Variants in EXOC4 observed in about 807,000 individuals in gnomAD.
EXOC4 encodes SEC8-like 1.
EXOC4 carries 71 observed loss-of-function variants against 107.2 expected under a neutral mutation model. The observed-to-expected ratio is 0.66, with a 90% confidence interval of 0.55 to 0.81. EXOC4 has a LOEUF of 0.81. Ranked by LOEUF, EXOC4 falls within the 30% of genes least tolerant of loss-of-function variation. The pLI, the probability that EXOC4 is intolerant of heterozygous loss-of-function variation, is 0.00. For synonymous variants in EXOC4, 456 were observed against 441.2 expected (o/e 1.03, Z -0.42); for missense variants, 1,108 against 1,189.6 (o/e 0.93, Z 1.01).
intron 5 of EXOC4, among the ~76,000 whole-genome samples, chr7:133,348,703 T>C (rs907050622): frequency 3.3e-5 from 5 of 152,212 alleles, no homozygotes; most frequent in African/African-American, 1.2e-4. Flanking sequence ...TTTTCTCTCC[T>C]TGCTGTGGGG....
At chr7:133,573,055 G>A (rs972503031) in intron 9 of EXOC4, among the ~76,000 whole-genome samples, 1 of 152,108 alleles carries the variant, frequency 6.6e-6, no homozygotes, top group East Asian at 1.9e-4. Context: ...TAGGTAATTT[G>A]AAACTATACC....
chr7:133,453,144 A>G (rs2150811520), intron 7 of EXOC4, among the ~76,000 whole-genome samples: 1 of 152,360 alleles, frequency 6.6e-6, no homozygotes, highest in East Asian at 1.9e-4. Context: ...AATCGCTGTG[A>G]ATTATAAATA....
chr7:133,868,049 T>C (rs1255676627), intron 11 of EXOC4, among the ~76,000 whole-genome samples: 1 of 152,234 alleles, frequency 6.6e-6, no homozygotes, highest in Non-Finnish European at 1.5e-5. Context: ...TATAATACTT[T>C]AAGCTGTTTT....
chr7:133,681,570 A>G (rs895756412), intron 10 of EXOC4, among the ~76,000 whole-genome samples: 2 of 152,186 alleles, frequency 1.3e-5, no homozygotes, highest in East Asian at 3.9e-4. Flanking sequence ...TCTTCCTACC[A>G]TAGTTTAGAG....
rs185416995 is a variant in EXOC4, at chr7:133,420,345, C to T, written c.1182+45343C>T. Among the ~76,000 whole-genome samples, 32 of 151,700 alleles carry T rather than the reference C, an allele frequency of 2.1e-4. 1 individual carries two copies. Among genetic ancestry groups the T allele is most frequent in the Admixed American group, 2.0e-3 (30 of 15,258 alleles). On this transcript the variant is annotated intron_variant, in intron 7 of 17. Coordinates refer to ENST00000253861, the MANE Select transcript of EXOC4 (RefSeq NM_021807.4). ...ATAGTATTCCATGGTATATATGTGCCACATTTTCTTAATCCAGTCTATCAT... is the reference window on the plus strand; with the variant it reads ...ATAGTATTCCATGGTATATATGTGCTACATTTTCTTAATCCAGTCTATCAT...
At chr7:133,850,104 A>G (rs183466743) in intron 11 of EXOC4, among the ~76,000 whole-genome samples, 9 of 152,370 alleles carry the variant, frequency 5.9e-5, no homozygotes, top group Non-Finnish European at 1.3e-4. Flanking sequence ...CTAAACCAAC[A>G]AAACACTGCC....
At chr7:134,002,935 C>T (rs908877803) in intron 15 of EXOC4, among the ~76,000 whole-genome samples, 3 of 152,122 alleles carry the variant, frequency 2.0e-5, no homozygotes, top group African/African-American at 4.8e-5. Flanking sequence ...AGTAAACATA[C>T]ACTTACCATA....
rs761535651 is a variant in EXOC4, at chr7:133,844,378, CTTTTTTTTTT to C, written c.1734+26855_1734+26864del. Among the ~76,000 whole-genome samples, 788 of 83,334 alleles carry C rather than the reference CTTTTTTTTTT, an allele frequency of 9.5e-3. 1 individual carries two copies. Among genetic ancestry groups the C allele is most frequent in the Middle Eastern group, 0.037 (5 of 134 alleles). The allele number at this position is 83,334 out of a possible 152,430, so 54.7% of individuals were successfully genotyped here. Reference sequence around the variant, plus strand: ...TAATTTCTTGGATTCCCACATATTCCTTTTTTTTTTTTTTTTTTTTTTTTTTTTTTGAGAT... The same window carrying C: ...TAATTTCTTGGATTCCCACATATTCCTTTTTTTTTTTTTTTTTTTTGAGAT... On this transcript the variant is annotated intron_variant, in intron 11 of 17. Transcript: ENST00000253861.
the EXOC4 span, among the ~76,000 whole-genome samples, chr7:134,082,006 T>A: frequency 6.6e-6 from 1 of 152,164 alleles, no homozygotes; most frequent in Non-Finnish European, 1.5e-5. Flanking sequence ...TAAACTGAGG[T>A]TGTTACCAGA....
chr7:133,944,485 A>G (rs1418014537), intron 14 of EXOC4, among the ~76,000 whole-genome samples: 1 of 152,168 alleles, frequency 6.6e-6, no homozygotes, highest in Non-Finnish European at 1.5e-5. Flanking sequence ...AATCACATCA[A>G]GGGTACATAT....
At chr7:134,023,261 A>G (rs896590641) in intron 17 of EXOC4, among the ~76,000 whole-genome samples, 3 of 152,186 alleles carry the variant, frequency 2.0e-5, no homozygotes, top group African/African-American at 7.2e-5. Context: ...TCTTTGAAAA[A>G]TCAGTAACTC....
chr7:133,790,248 G>A (rs1796675560), intron 10 of EXOC4, among the ~76,000 whole-genome samples: 1 of 152,216 alleles, frequency 6.6e-6, no homozygotes, highest in Non-Finnish European at 1.5e-5. Context: ...GGATGTAGAT[G>A]GGAAAGGAAT....
intron 12 of EXOC4, among the ~76,000 whole-genome samples, chr7:133,896,047 C>G (rs112594595): frequency 0.012 from 1,884 of 152,266 alleles, 34 homozygotes; most frequent in African/African-American, 0.043. Flanking sequence ...CTTGGTTAGT[C>G]TATCTTGTGG....
intron 10 of EXOC4, among the ~76,000 whole-genome samples, chr7:133,681,200 A>C (rs1010099405): frequency 1.2e-4 from 18 of 152,322 alleles, no homozygotes; most frequent in African/African-American, 3.6e-4. Context: ...CAAGAAAAAA[A>C]GAATTGTTTG....
intron 7 of EXOC4, among the ~76,000 whole-genome samples, chr7:133,473,976 G>A (rs1380705097): frequency 2.0e-5 from 3 of 152,068 alleles, no homozygotes; most frequent in African/African-American, 7.2e-5. Flanking sequence ...CCAAAGTGCT[G>A]GGATTACAGG....
chr7:133,895,308 A>G (rs1799278910), intron 11 of EXOC4: 1 of 323,652 alleles, frequency 3.1e-6, no homozygotes, highest in Non-Finnish European at 6.0e-6. Context: ...GCGCGCACCC[A>G]CTGGCCTGCG....
At chr7:133,797,830 T>A (rs547360783) in intron 10 of EXOC4, among the ~76,000 whole-genome samples, 10 of 152,366 alleles carry the variant, frequency 6.6e-5, no homozygotes, top group Non-Finnish European at 1.5e-4. Context: ...GGCACTTTCC[T>A]AGGTTCTAGG....
In EXOC4 at chr7:133,356,416, A is replaced by G. The variant is rs1323228952; in HGVS notation, c.850A>G (p.Lys284Glu). Residue 284 changes from lysine (K) to glutamate (E), a missense_variant, in exon 6 of 18, where the codon AAG becomes GAG. Coordinates refer to ENST00000253861, the MANE Select transcript of EXOC4 (RefSeq NM_021807.4). ...CACCCTGTTTATGGGTATCCTCATT[A>G]AGGGCTTGGCGAAACTGAAGAAGAT... ...NSTLFMGILI[K>E]GLAKLKKIPE... The G allele has an allele frequency of 6.2e-6, 10 of 1,614,022 alleles. No individual in the cohort carries two copies. The Admixed American group carries it at 1.3e-4, about 22-fold the overall frequency.
intron 10 of EXOC4, among the ~76,000 whole-genome samples, chr7:133,749,098 ATACT>A (rs760042954): frequency 1.3e-5 from 2 of 152,184 alleles, no homozygotes; most frequent in South Asian, 2.1e-4. Context: ...TGAGAGATAA[ATACT>A]TTTGTGCTTG....
Sources: gnomAD v4.1 joint callset for allele counts (sites outside exome capture counted in the v4.1 genomes callset) on GRCh38, gnomAD v4.1.1 for gene constraint, MANE v1.5 for transcripts, NCBI Gene and HGNC (gene_info 2026-07-23, HGNC 2026-07-21) for gene names.